Variants in PARD3 observed in about 807,000 individuals in gnomAD.
The protein encoded by PARD3 is par-3 family cell polarity regulator.
In PARD3, 75 loss-of-function variants were observed where a neutral mutation model predicts 155.4. That is an observed-to-expected ratio of 0.48 (90% CI 0.40 to 0.58). The LOEUF (loss-of-function observed/expected upper bound fraction) is 0.58, where lower values mean the gene tolerates loss of function less well. Ranked by LOEUF, PARD3 falls within the 20% of genes least tolerant of loss-of-function variation. The pLI is 0.00. For synonymous variants in PARD3, 576 were observed against 610.5 expected (o/e 0.94, Z 0.83); for missense variants, 1,642 against 1,721.7 (o/e 0.95, Z 0.82).
intron 2 of PARD3, among the ~76,000 whole-genome samples, chr10:34,544,055 AAAATC>A (rs1353091026): frequency 6.6e-6 from 1 of 152,210 alleles, no homozygotes; most frequent in African/African-American, 2.4e-5. Context: ...ACATGTGGTA[AAAATC>A]ATGACGTTAA....
chr10:34,296,583 T>C (rs1956922360), intron 20 of PARD3, among the ~76,000 whole-genome samples: 1 of 152,206 alleles, frequency 6.6e-6, no homozygotes, highest in Non-Finnish European at 1.5e-5. Context: ...AAGATCACTA[T>C]GTAAGAATCT....
At chr10:34,626,828 G>T (rs530881518) in intron 2 of PARD3, among the ~76,000 whole-genome samples, 20 of 152,230 alleles carry the variant, frequency 1.3e-4, no homozygotes, top group African/African-American at 3.6e-4. Context: ...ATGAGTGATG[G>T]AATGTGCACA....
At chr10:34,491,483 A>C (rs1241017372) in intron 3 of PARD3, among the ~76,000 whole-genome samples, 1 of 152,206 alleles carries the variant, frequency 6.6e-6, no homozygotes, top group Non-Finnish European at 1.5e-5. Flanking sequence ...TTTTTTCATG[A>C]AATATGTTTA....
intron 12 of PARD3, among the ~76,000 whole-genome samples, chr10:34,362,644 T>C (rs1449466747): frequency 6.6e-6 from 1 of 152,150 alleles, no homozygotes; most frequent in African/African-American, 2.4e-5. Context: ...TACAGGAACA[T>C]GTCAACAAAC....
chr10:34,161,942 G>T (rs1158260602), intron 22 of PARD3, among the ~76,000 whole-genome samples: 1 of 152,040 alleles, frequency 6.6e-6, no homozygotes, highest in African/African-American at 2.4e-5. Flanking sequence ...CATTTGGGTG[G>T]GACCAGCTTT....
intron 2 of PARD3, among the ~76,000 whole-genome samples, chr10:34,620,288 C>A (rs191965130): frequency 6.6e-6 from 1 of 152,136 alleles, no homozygotes; most frequent in Non-Finnish European, 1.5e-5. Flanking sequence ...GTGAAACCCA[C>A]GCCCATTTGT....
rs1186561873 is a variant in PARD3, at chr10:34,110,917, G to A, written c.*252C>T. 1.7e-5 allele frequency: 6 copies of A among 356,760 alleles called. No homozygotes were observed. Among genetic ancestry groups the A allele is most frequent in the South Asian group, 8.6e-5 (1 of 11,618 alleles). 22.1% of individuals were successfully genotyped at this position (356,760 alleles called of 1,614,324 possible). A position where few individuals can be genotyped will look rare whatever the true frequency, so the allele number is the denominator to read the frequency against. ...GAGATTCCTGGTACTGTGGAGAGGC[G>A]CAGAGCATATGAACACCTCAAACAG... On this transcript the variant is annotated 3_prime_UTR_variant, in exon 25 of 25. Coordinates refer to ENST00000374788, the MANE Select transcript of PARD3 (RefSeq NM_001184785.2).
chr10:34,671,518 CT>C (rs2093610062), intron 2 of PARD3, among the ~76,000 whole-genome samples: 1 of 152,036 alleles, frequency 6.6e-6, no homozygotes, highest in African/African-American at 2.4e-5. Flanking sequence ...ACTAAGAAAT[CT>C]TATATGCATC....
chr10:34,676,949 A>C (rs754949592), intron 2 of PARD3, among the ~76,000 whole-genome samples: 1 of 152,246 alleles, frequency 6.6e-6, no homozygotes, highest in Non-Finnish European at 1.5e-5. Flanking sequence ...CTACACAGAA[A>C]GTTTAATGTC....
At chr10:34,808,645 AT>A (rs1233589105) in intron 1 of PARD3, among the ~76,000 whole-genome samples, 1 of 152,014 alleles carries the variant, frequency 6.6e-6, no homozygotes, top group Non-Finnish European at 1.5e-5. Context: ...TCCATCCTTG[AT>A]AAAAAATACC....
chr10:34,763,976 T>A (rs1188388494), intron 1 of PARD3, among the ~76,000 whole-genome samples: 2 of 152,238 alleles, frequency 1.3e-5, no homozygotes, highest in African/African-American at 2.4e-5. Context: ...TCACTTAGTT[T>A]ACCAATAAAT....
intron 3 of PARD3, among the ~76,000 whole-genome samples, chr10:34,474,081 C>G (rs1201117024): frequency 2.0e-5 from 3 of 152,170 alleles, no homozygotes. Context: ...GGGAAGATCA[C>G]TTGAGCCCAG....
chr10:34,525,489 T>C (rs2082410615), intron 2 of PARD3, among the ~76,000 whole-genome samples: 1 of 152,188 alleles, frequency 6.6e-6, no homozygotes, highest in South Asian at 2.1e-4. Context: ...ACCTCACCTA[T>C]GGGTATATGT....
intron 2 of PARD3, among the ~76,000 whole-genome samples, chr10:34,649,262 A>C (rs1385053873): frequency 6.6e-6 from 1 of 152,198 alleles, no homozygotes; most frequent in Non-Finnish European, 1.5e-5. Flanking sequence ...TGGGAAACAC[A>C]GCAAGGCCTT....
chr10:34,302,373 C>T (rs1191010247), intron 20 of PARD3, among the ~76,000 whole-genome samples: 1 of 152,084 alleles, frequency 6.6e-6, no homozygotes, highest in Admixed American at 6.5e-5. Flanking sequence ...CTATTAATTC[C>T]CATTAGCTTC....
chr10:34,265,930 T>G (rs557091368), intron 22 of PARD3, among the ~76,000 whole-genome samples: 3 of 152,184 alleles, frequency 2.0e-5, no homozygotes, highest in South Asian at 2.1e-4. Flanking sequence ...GGCAAGACTG[T>G]GGGGGTCGGC....
rs2093718370 is a variant in PARD3 at position 34,676,887 on chromosome 10, T to TA, written c.222+19430dup. Reference sequence around the variant, plus strand: ...CCAACAGAATCAGCAACAATACTTTTAGGCAGTCTCTGAATTTCCTCATTC... The same window carrying TA: ...CCAACAGAATCAGCAACAATACTTTTAAGGCAGTCTCTGAATTTCCTCATTC... On this transcript the variant is annotated intron_variant, in intron 2 of 24. Transcript: ENST00000374788. Among the ~76,000 whole-genome samples the TA allele has an allele frequency of 2.0e-5, 3 of 152,364 alleles. No homozygotes were observed. In the South Asian group the frequency reaches 6.2e-4, roughly 32 times the overall value.
chr10:34,801,465 G>A (rs937808034), intron 1 of PARD3, among the ~76,000 whole-genome samples: 6 of 152,116 alleles, frequency 3.9e-5, no homozygotes, highest in African/African-American at 1.4e-4. Context: ...GATGAGAGGA[G>A]GTAGTCCTCT....
chr10:34,180,196 C>T (rs71495071), intron 22 of PARD3, among the ~76,000 whole-genome samples: 4,209 of 152,158 alleles, frequency 0.028, 86 homozygotes, highest in Non-Finnish European at 0.041. Context: ...TACAGGCACC[C>T]GCCACCACGC....
Sources: gnomAD v4.1 joint callset for allele counts (sites outside exome capture counted in the v4.1 genomes callset) on GRCh38, gnomAD v4.1.1 for gene constraint, MANE v1.5 for transcripts, NCBI Gene and HGNC (gene_info 2026-07-23, HGNC 2026-07-21) for gene names.